The following TMEM132D variants were observed in gnomAD, a reference collection of about 807,000 sequenced individuals.
TMEM132D encodes the protein mature OL transmembrane protein.
A neutral mutation model predicts 62.3 loss-of-function variants in TMEM132D; 21 were observed. That is an observed-to-expected ratio of 0.34 (90% CI 0.24 to 0.49). The LOEUF is 0.49. Among genes scored for constraint, TMEM132D ranks in the 20% least tolerant of loss-of-function variants. The probability of loss-of-function intolerance (pLI) is 0.99; values close to 1 mark genes in which losing one functional copy is unlikely to be tolerated. For synonymous variants in TMEM132D, 621 were observed against 575.6 expected (o/e 1.08, Z -1.13); for missense variants, 1,346 against 1,402.8 (o/e 0.96, Z 0.65).
chr12:129,274,455 G>A (rs1023672832), intron 4 of TMEM132D, among the ~76,000 whole-genome samples: 1 of 152,120 alleles, frequency 6.6e-6, no homozygotes, highest in African/African-American at 2.4e-5. Flanking sequence ...TATCAGTCTG[G>A]TGCCCATATG....
intron 5 of TMEM132D, among the ~76,000 whole-genome samples, chr12:129,129,831 C>T (rs73159579): frequency 0.023 from 3,515 of 152,196 alleles, 65 homozygotes; most frequent in East Asian, 0.059. Flanking sequence ...CTAAAGTGAG[C>T]TTTTTATGCC....
intron 3 of TMEM132D, among the ~76,000 whole-genome samples, chr12:129,448,750 A>T (rs1015171412): frequency 6.6e-6 from 1 of 152,202 alleles, no homozygotes; most frequent in Non-Finnish European, 1.5e-5. Context: ...GGGCTGATAC[A>T]ATGAACACTT....
chr12:129,130,434 T>C (rs1460644663), intron 5 of TMEM132D, among the ~76,000 whole-genome samples: 1 of 152,112 alleles, frequency 6.6e-6, no homozygotes, highest in East Asian at 1.9e-4. Context: ...CCCTCCCTTC[T>C]GCTGTGGAGG....
At chr12:129,500,240 A>G in intron 3 of TMEM132D, among the ~76,000 whole-genome samples, 1 of 138,410 alleles carries the variant, frequency 7.2e-6, no homozygotes, top group Non-Finnish European at 1.5e-5. Context: ...AATTCACCTG[A>G]CCTCATCTGT....
chr12:129,112,603 C>T (rs969888000), intron 5 of TMEM132D, among the ~76,000 whole-genome samples: 4 of 152,156 alleles, frequency 2.6e-5, no homozygotes, highest in South Asian at 2.1e-4. Flanking sequence ...GCAGAGGTTG[C>T]GGTGAGCCAA....
chr12:129,836,521 C>T (rs202094819), intron 1 of TMEM132D, among the ~76,000 whole-genome samples: 20 of 150,368 alleles, frequency 1.3e-4, no homozygotes, highest in South Asian at 1.3e-3. Flanking sequence ...TGTGTGCGCG[C>T]GTGTGTGTGT....
intron 5 of TMEM132D, among the ~76,000 whole-genome samples, chr12:129,125,280 A>C (rs1208010483): frequency 6.6e-6 from 1 of 152,170 alleles, no homozygotes; most frequent in African/African-American, 2.4e-5. Context: ...AGAAAGGAGA[A>C]GTTGAGGAGA....
intron 4 of TMEM132D, among the ~76,000 whole-genome samples, chr12:129,236,614 C>T (rs953511913): frequency 4.0e-5 from 6 of 149,262 alleles, no homozygotes; most frequent in Admixed American, 6.7e-5. Flanking sequence ...TTTATTAGTT[C>T]TAGCAGTTTT....
At chr12:129,479,019 G>A (rs184366961) in intron 3 of TMEM132D, among the ~76,000 whole-genome samples, 37 of 152,256 alleles carry the variant, frequency 2.4e-4, no homozygotes, top group Middle Eastern at 3.4e-3. Context: ...GTTCTCTTAC[G>A]TTCTGCGTGG....
At chr12:129,191,782 C>A (rs1309294854) in intron 5 of TMEM132D, among the ~76,000 whole-genome samples, 1 of 151,326 alleles carries the variant, frequency 6.6e-6, no homozygotes, top group African/African-American at 2.4e-5. Context: ...CACACACATA[C>A]ACACACACAC....
intron 2 of TMEM132D, among the ~76,000 whole-genome samples, chr12:129,638,770 G>T (rs558733532): frequency 1.3e-5 from 2 of 152,098 alleles, no homozygotes; most frequent in South Asian, 4.2e-4. Context: ...TGCGATGTTT[G>T]TGAACAAGAG....
rs532722456 is a variant in TMEM132D at position 129,408,485 on chromosome 12, T to C, written c.1116-70668A>G. Among the ~76,000 whole-genome samples the C allele has an allele frequency of 8.6e-5, 13 of 151,994 alleles. No individual in the cohort carries two copies. The South Asian group carries it at 2.5e-3, about 29-fold the overall frequency. On this transcript the variant is annotated intron_variant, in intron 3 of 8. Coordinates refer to ENST00000422113, the MANE Select transcript of TMEM132D (RefSeq NM_133448.3). ...TCAGAATAGGAAATGCCAATACTGA[T>C]GTCTTAATCCTTATCCCCTTTAGCA... is the stretch of plus-strand genomic sequence containing the variant.
chr12:129,385,367 A>G (rs1182146838), intron 3 of TMEM132D, among the ~76,000 whole-genome samples: 2 of 151,896 alleles, frequency 1.3e-5, no homozygotes, highest in African/African-American at 4.8e-5. Flanking sequence ...CGGCCTCCCA[A>G]AGTGCTGGGA....
intron 2 of TMEM132D, among the ~76,000 whole-genome samples, chr12:129,545,819 T>C (rs1295701523): frequency 6.6e-6 from 1 of 152,206 alleles, no homozygotes; most frequent in Non-Finnish European, 1.5e-5. Context: ...GTTCATTCAA[T>C]AGGGTAGTTC....
chr12:129,093,575 G>C (rs1849620488), intron 5 of TMEM132D, among the ~76,000 whole-genome samples: 1 of 152,172 alleles, frequency 6.6e-6, no homozygotes, highest in Non-Finnish European at 1.5e-5. Flanking sequence ...CTCATGGGTA[G>C]GAAGAATCAA....
intron 3 of TMEM132D, among the ~76,000 whole-genome samples, chr12:129,449,649 G>A (rs1873208590): frequency 6.6e-6 from 1 of 152,164 alleles, no homozygotes; most frequent in Non-Finnish European, 1.5e-5. Flanking sequence ...GTGACAGGAG[G>A]TGGAATTCAT....
intron 1 of TMEM132D, among the ~76,000 whole-genome samples, chr12:129,833,422 G>A (rs1316402120): frequency 6.6e-6 from 1 of 151,974 alleles, no homozygotes; most frequent in African/African-American, 2.4e-5. Flanking sequence ...GCCATGTGGT[G>A]AAACCCCATC....
intron 4 of TMEM132D, among the ~76,000 whole-genome samples, chr12:129,274,386 G>A (rs1377307212): frequency 1.3e-5 from 2 of 152,182 alleles, no homozygotes; most frequent in African/African-American, 4.8e-5. Flanking sequence ...GATACATGGC[G>A]AGGTACAGGT....
At chr12:129,390,321 G>A (rs1871257955) in intron 3 of TMEM132D, among the ~76,000 whole-genome samples, 1 of 152,090 alleles carries the variant, frequency 6.6e-6, no homozygotes, top group Admixed American at 6.5e-5. Flanking sequence ...AGTAGCTGAG[G>A]CAGGAACCAC....
Sources: gnomAD v4.1 joint callset for allele counts (sites outside exome capture counted in the v4.1 genomes callset) on GRCh38, gnomAD v4.1.1 for gene constraint, MANE v1.5 for transcripts, NCBI Gene and HGNC (gene_info 2026-07-23, HGNC 2026-07-21) for gene names.